Variants in COMMD1 observed in about 807,000 individuals in gnomAD.
The protein encoded by COMMD1 is COMM domain-containing protein 1.
Under a neutral mutation model 17.2 loss-of-function variants are expected in COMMD1, and 10 were observed. The observed-to-expected ratio is 0.58, with a 90% confidence interval of 0.36 to 0.99. The LOEUF (loss-of-function observed/expected upper bound fraction) is 0.99, where lower values mean the gene tolerates loss of function less well. COMMD1 is among the 50% of genes least tolerant of loss of function. The pLI is 0.01. For synonymous variants in COMMD1, 97 were observed against 91.6 expected, an observed-to-expected ratio of 1.06 and a Z score of -0.34; for missense variants, 270 against 231.8, an observed-to-expected ratio of 1.17 and a Z score of -1.07.
At chr2:61,926,708 A>T (rs12478803) in intron 1 of COMMD1, among the ~76,000 whole-genome samples, 19,032 of 152,082 alleles carry the variant, frequency 0.13, 1,525 homozygotes, top group Non-Finnish European at 0.18. Context: ...CTCTTTTCTC[A>T]TGTAAAATAT....
intron 1 of COMMD1, among the ~76,000 whole-genome samples, chr2:61,897,556 T>C (rs1429410497): frequency 1.3e-5 from 2 of 152,182 alleles, no homozygotes; most frequent in Non-Finnish European, 2.9e-5. Flanking sequence ...GACACCAGCC[T>C]GGCCAACATG....
At chr2:62,041,546 C>T (rs541516012) in intron 2 of COMMD1, among the ~76,000 whole-genome samples, 1 of 152,200 alleles carries the variant, frequency 6.6e-6, no homozygotes, top group South Asian at 2.1e-4. Context: ...GCTGGGCAAA[C>T]TTGGCCAATT....
intron 1 of COMMD1, among the ~76,000 whole-genome samples, chr2:61,976,606 G>A (rs556625792): frequency 1.4e-4 from 21 of 152,276 alleles, no homozygotes; most frequent in Non-Finnish European, 1.5e-5. Flanking sequence ...GACAAATGTA[G>A]CAGGCAAAAA....
chr2:61,910,486 G>A (rs1669876888), intron 1 of COMMD1, among the ~76,000 whole-genome samples: 1 of 152,070 alleles, frequency 6.6e-6, no homozygotes, highest in Admixed American at 6.6e-5. Context: ...ACTTCAAGCA[G>A]TCCACCCTCC....
chr2:62,034,088 CAAAAAAAAAAA>C (rs34439318), intron 2 of COMMD1, among the ~76,000 whole-genome samples: 2 of 62,578 alleles, frequency 3.2e-5, no homozygotes, highest in South Asian at 6.1e-4. Context: ...GACCCTGTCT[CAAAAAAAAAAA>C]AAAAAAAAAA....
intron 1 of COMMD1, among the ~76,000 whole-genome samples, chr2:61,889,570 T>TAAC (rs1237827850): frequency 1.3e-5 from 2 of 152,158 alleles, no homozygotes; most frequent in Non-Finnish European, 2.9e-5. Flanking sequence ...GGCGCCGGAA[T>TAAC]AACTCTCTAA....
At chr2:61,975,267 A>G (rs1006224314) in intron 1 of COMMD1, among the ~76,000 whole-genome samples, 2 of 151,974 alleles carry the variant, frequency 1.3e-5, no homozygotes, top group African/African-American at 2.4e-5. Context: ...TCACCTACTG[A>G]AGGACATTTT....
chr2:62,010,911 A>T (rs1216609850), intron 2 of COMMD1, among the ~76,000 whole-genome samples: 2 of 152,194 alleles, frequency 1.3e-5, no homozygotes, highest in African/African-American at 4.8e-5. Flanking sequence ...CAGAAAATAT[A>T]TTCATGGCTT....
At chr2:62,088,939 G>C (rs552220482) in intron 2 of COMMD1, among the ~76,000 whole-genome samples, 1 of 152,322 alleles carries the variant, frequency 6.6e-6, no homozygotes, top group African/African-American at 2.4e-5. Flanking sequence ...AACTCAAAGA[G>C]GGGGAGAAGG....
At chr2:61,997,315 G>A (rs1668794227) in intron 1 of COMMD1, among the ~76,000 whole-genome samples, 1 of 151,448 alleles carries the variant, frequency 6.6e-6, no homozygotes, top group Admixed American at 6.6e-5. Context: ...GCCCACCTCG[G>A]CCTCCCAAGT....
chr2:62,027,642 TTA>T (rs1289723444), intron 2 of COMMD1, among the ~76,000 whole-genome samples: 1 of 148,240 alleles, frequency 6.7e-6, no homozygotes, highest in African/African-American at 2.6e-5. Context: ...TTATGTTATG[TTA>T]TGTTATGTTA....
chr2:61,893,611 C>T (rs540125969), intron 1 of COMMD1, among the ~76,000 whole-genome samples: 6 of 152,166 alleles, frequency 3.9e-5, no homozygotes, highest in African/African-American at 9.6e-5. Flanking sequence ...GTCAGGAGTT[C>T]GAGACCAGCC....
At chr2:62,026,636 A>G (rs1167448915) in intron 2 of COMMD1, among the ~76,000 whole-genome samples, 1 of 152,154 alleles carries the variant, frequency 6.6e-6, no homozygotes, top group African/African-American at 2.4e-5. Flanking sequence ...ACCCCTTGAT[A>G]CCAAAGCCAC....
At chr2:62,127,574 A>C (rs978095687) in intron 2 of COMMD1, among the ~76,000 whole-genome samples, 1 of 152,228 alleles carries the variant, frequency 6.6e-6, no homozygotes, top group Non-Finnish European at 1.5e-5. Context: ...ATAAGACTGC[A>C]CATCTACAAC....
At chr2:62,008,564 A>G (rs1007717165) in intron 2 of COMMD1, among the ~76,000 whole-genome samples, 3 of 152,202 alleles carry the variant, frequency 2.0e-5, no homozygotes, top group African/African-American at 7.2e-5. Flanking sequence ...GTGCTTGGTT[A>G]TATAAGCTGT....
intron 2 of COMMD1, among the ~76,000 whole-genome samples, chr2:62,078,632 GCCGAGGTGGGTGGA>G (rs1480109014): frequency 6.6e-6 from 1 of 151,450 alleles, no homozygotes. Flanking sequence ...ACTTTGGGAG[GCCGAGGTGGGTGGA>G]TCACAAGGTC....
intron 2 of COMMD1, among the ~76,000 whole-genome samples, chr2:62,102,129 A>G (rs915633909): frequency 6.6e-6 from 1 of 152,216 alleles, no homozygotes; most frequent in Non-Finnish European, 1.5e-5. Context: ...GTGAGAAACC[A>G]TAAACAAAGA....
intron 1 of COMMD1, among the ~76,000 whole-genome samples, chr2:61,992,302 A>G (rs1672271635): frequency 6.6e-6 from 1 of 152,238 alleles, no homozygotes. Context: ...GCATTCCTGG[A>G]AAACTTGGTG....
At chr2:61,964,385 C>T (rs959806343) in intron 1 of COMMD1, among the ~76,000 whole-genome samples, 3 of 152,092 alleles carry the variant, frequency 2.0e-5, no homozygotes, top group Admixed American at 2.0e-4. Flanking sequence ...CCATGCCTAG[C>T]TAATTTTTTA....
Sources: gnomAD v4.1 joint callset for allele counts (sites outside exome capture counted in the v4.1 genomes callset) on GRCh38, gnomAD v4.1.1 for gene constraint, MANE v1.5 for transcripts, NCBI Gene and HGNC (gene_info 2026-07-23, HGNC 2026-07-21) for gene names.